NRXN1: variants seen among roughly 807,000 people sequenced by gnomAD.
NRXN1 encodes the protein neurexin-1.
In NRXN1, 39 loss-of-function variants were observed where a neutral mutation model predicts 150.9. That is an observed-to-expected ratio of 0.26 (90% CI 0.20 to 0.34). The LOEUF is 0.34. Ranked by LOEUF, NRXN1 falls within the 10% of genes least tolerant of loss-of-function variation. The pLI is 1.00. For synonymous variants in NRXN1, 924 were observed against 757.0 expected, an observed-to-expected ratio of 1.22 and a Z score of -3.62; for missense variants, 1,815 against 1,949.9, an observed-to-expected ratio of 0.93 and a Z score of 1.30.
At chr2:50,391,439 C>T (rs1234987438) in intron 17 of NRXN1, among the ~76,000 whole-genome samples, 9 of 152,004 alleles carry the variant, frequency 5.9e-5, no homozygotes, top group African/African-American at 2.2e-4. Flanking sequence ...TAAAAATAAT[C>T]TTCTTGGGAA....
At chr2:50,769,929 A>T (rs1044697095) in intron 5 of NRXN1, among the ~76,000 whole-genome samples, 2 of 152,062 alleles carry the variant, frequency 1.3e-5, no homozygotes, top group African/African-American at 2.4e-5. Context: ...AATGTTTGGG[A>T]ATTGTACTGT....
chr2:50,446,906 T>C (rs1446481302), intron 17 of NRXN1, among the ~76,000 whole-genome samples: 1 of 152,172 alleles, frequency 6.6e-6, no homozygotes, highest in Non-Finnish European at 1.5e-5. Flanking sequence ...AATTGTGCCT[T>C]GTCTGATTTG....
At position 50,375,395 on chromosome 2, in the gene NRXN1, T is replaced by C. The variant is rs561822866; in HGVS notation, c.3364+90047A>G. Among the ~76,000 whole-genome samples the C allele has an allele frequency of 2.1e-4, 32 of 150,620 alleles. No homozygotes were observed. In the South Asian group the frequency reaches 4.6e-3, roughly 22 times the overall value. On this transcript the variant is annotated intron_variant, in intron 17 of 22. Coordinates refer to ENST00000401669, the MANE Select transcript of NRXN1 (RefSeq NM_001330078.2). The stretch of plus-strand genomic sequence containing the variant: ...TAATAACTAGCTATTATTTTCACAA[T>C]TGTATAGATGAAGAAGCTGATTCTT...
intron 17 of NRXN1, among the ~76,000 whole-genome samples, chr2:50,271,865 A>G (rs1046750691): frequency 6.6e-6 from 1 of 152,220 alleles, no homozygotes; most frequent in African/African-American, 2.4e-5. Flanking sequence ...ATAAAACTAA[A>G]GAACAGCCAA....
intron 5 of NRXN1, among the ~76,000 whole-genome samples, chr2:50,660,769 G>A (rs543201537): frequency 2.6e-5 from 4 of 152,078 alleles, no homozygotes; most frequent in Admixed American, 2.0e-4. Context: ...CAAGATACTG[G>A]AGCACTACCT....
chr2:50,602,276 C>A (rs1676400639), intron 8 of NRXN1, among the ~76,000 whole-genome samples: 1 of 152,100 alleles, frequency 6.6e-6, no homozygotes, highest in African/African-American at 2.4e-5. Context: ...AAAAAATCAC[C>A]ATCCAGGTTG....
At chr2:50,385,740 T>A (rs932242189) in intron 17 of NRXN1, among the ~76,000 whole-genome samples, 1 of 152,176 alleles carries the variant, frequency 6.6e-6, no homozygotes, top group Admixed American at 6.5e-5. Context: ...TCCTCATGTA[T>A]TTCCCATACT....
chr2:50,417,561 C>G (rs1470884573), intron 17 of NRXN1, among the ~76,000 whole-genome samples: 1 of 151,754 alleles, frequency 6.6e-6, no homozygotes, highest in Non-Finnish European at 1.5e-5. Flanking sequence ...GGGATTTGCA[C>G]TGTGCTTGGT....
chr2:50,895,535 A>G (rs1681792088), intron 5 of NRXN1, among the ~76,000 whole-genome samples: 1 of 151,516 alleles, frequency 6.6e-6, no homozygotes, highest in Non-Finnish European at 1.5e-5. Context: ...TTAAGACAAA[A>G]TACTGCTTTG....
At chr2:49,936,440 C>T (rs779492279) in intron 22 of NRXN1, among the ~76,000 whole-genome samples, 1 of 152,068 alleles carries the variant, frequency 6.6e-6, no homozygotes, top group Non-Finnish European at 1.5e-5. Flanking sequence ...TTGTTAAACC[C>T]TTAGTATGTG....
At chr2:50,411,307 C>CA (rs1302997235) in intron 17 of NRXN1, among the ~76,000 whole-genome samples, 14 of 152,208 alleles carry the variant, frequency 9.2e-5, no homozygotes, top group Admixed American at 3.9e-4. Context: ...GGATTGCAGA[C>CA]AGAGTCTCGC....
chr2:50,680,055 G>A (rs889794226), intron 5 of NRXN1, among the ~76,000 whole-genome samples: 2 of 151,990 alleles, frequency 1.3e-5, no homozygotes, highest in African/African-American at 4.8e-5. Flanking sequence ...GTGCTAAGGT[G>A]GGAGGATTGT....
chr2:50,346,744 T>C lies in NRXN1; in HGVS notation c.3365-109774A>G, dbSNP rs751093291. On this transcript the variant is annotated intron_variant, in intron 17 of 22. Coordinates refer to ENST00000401669, the MANE Select transcript of NRXN1 (RefSeq NM_001330078.2). The surrounding 1 kb of genome is among the most constrained non-coding windows in gnomAD (Gnocchi z 5.0). ...CCTGTAGATTGCAATAGGCACTGAA[T>C]GATGCTTGCTGCTGCCATGGAAATG... 1 of 1,613,892 alleles carries C rather than the reference T, an allele frequency of 6.2e-7. No individual in the cohort carries two copies. The highest frequency in any genetic ancestry group is 1.1e-5 in the South Asian group (1 of 91,084).
intron 5 of NRXN1, among the ~76,000 whole-genome samples, chr2:50,801,941 A>C (rs1174490520): frequency 6.6e-6 from 1 of 152,164 alleles, no homozygotes; most frequent in Non-Finnish European, 1.5e-5. Flanking sequence ...TATGTGACCA[A>C]AGGTTTTTAA....
chr2:50,413,707 TA>T, intron 17 of NRXN1, among the ~76,000 whole-genome samples: 1 of 152,122 alleles, frequency 6.6e-6, no homozygotes, highest in Non-Finnish European at 1.5e-5. Flanking sequence ...AGGAAATCAG[TA>T]TATCAAAGAG....
chr2:50,828,823 G>C (rs1670935859), intron 5 of NRXN1, among the ~76,000 whole-genome samples: 1 of 152,178 alleles, frequency 6.6e-6, no homozygotes, highest in African/African-American at 2.4e-5. Flanking sequence ...TTCCCAGACG[G>C]GGTGGCGGCC....
intron 22 of NRXN1, among the ~76,000 whole-genome samples, chr2:49,935,735 T>C (rs1670918675): frequency 6.6e-6 from 1 of 152,172 alleles, no homozygotes; most frequent in African/African-American, 2.4e-5. Context: ...GCAAATGTAA[T>C]TAATGAGGTA....
intron 5 of NRXN1, among the ~76,000 whole-genome samples, chr2:50,907,322 C>A (rs1387131755): frequency 6.6e-6 from 1 of 151,966 alleles, no homozygotes; most frequent in Admixed American, 6.6e-5. Flanking sequence ...ATAAAAAGTA[C>A]ACAGTTTTCC....
chr2:50,995,216 T>C (rs907721014), intron 2 of NRXN1, among the ~76,000 whole-genome samples: 24 of 151,910 alleles, frequency 1.6e-4, no homozygotes, highest in Non-Finnish European at 3.2e-4. Context: ...AAGTTACGCC[T>C]TATAGTTTTC....
Sources: allele counts gnomAD v4.1 joint callset (sites outside exome capture counted in the v4.1 genomes callset), GRCh38; gene constraint gnomAD v4.1.1; non-coding constraint Gnocchi (gnomAD v3.1); transcripts MANE v1.5; gene names NCBI Gene and HGNC (gene_info 2026-07-23, HGNC 2026-07-21).